Variants in NDUFA10 observed in about 807,000 individuals in gnomAD.
The protein encoded by NDUFA10 is NADH dehydrogenase [ubiquinone] 1 alpha subcomplex subunit 10, mitochondrial.
A neutral mutation model predicts 47.8 loss-of-function variants in NDUFA10; 40 were observed. The ratio of observed to expected loss-of-function variants is 0.84; its 90% CI spans 0.65 to 1.09. The LOEUF (loss-of-function observed/expected upper bound fraction) is 1.09, where lower values mean the gene tolerates loss of function less well. NDUFA10 is among the 50% of genes least tolerant of loss of function. The pLI, the probability that NDUFA10 is intolerant of heterozygous loss-of-function variation, is 0.00. For missense variants in NDUFA10, 413 were observed against 451.1 expected, an observed-to-expected ratio of 0.92 and a Z score of 0.76; for synonymous variants, 183 against 172.2, an observed-to-expected ratio of 1.06 and a Z score of -0.49.
At chr2:239,985,799 T>C (rs1040147993) in intron 9 of NDUFA10, among the ~76,000 whole-genome samples, 1 of 151,302 alleles carries the variant, frequency 6.6e-6, no homozygotes, top group African/African-American at 2.4e-5. Flanking sequence ...TAGTCCCAAC[T>C]ACTCGGGAGG....
chr2:239,975,876 G>A (rs1256161576), intron 9 of NDUFA10, among the ~76,000 whole-genome samples: 6 of 152,010 alleles, frequency 3.9e-5, no homozygotes, highest in Non-Finnish European at 5.9e-5. Flanking sequence ...CCAGACCGTC[G>A]GTTCTGTATC....
chr2:239,905,988 C>T (rs138812458), intron 4 of NDUFA10, among the ~76,000 whole-genome samples: 287 of 152,138 alleles, frequency 1.9e-3, no homozygotes, highest in African/African-American at 6.5e-3. Flanking sequence ...GTCCCATGCG[C>T]GGGAGGCCTG....
chr2:239,938,419 G>A (rs1352341145), intron 4 of NDUFA10, among the ~76,000 whole-genome samples: 1 of 152,236 alleles, frequency 6.6e-6, no homozygotes, highest in African/African-American at 2.4e-5. Flanking sequence ...CGGGGTTTAT[G>A]CTTTTGGTCT....
intron 9 of NDUFA10, among the ~76,000 whole-genome samples, chr2:239,984,332 C>A (rs7559499): frequency 1.6e-4 from 25 of 152,046 alleles, no homozygotes; most frequent in South Asian, 1.0e-3. Flanking sequence ...AAAATGGAAA[C>A]TGGATGTGAG....
chr2:239,910,972 C>G, intron 4 of NDUFA10, among the ~76,000 whole-genome samples: 1 of 152,218 alleles, frequency 6.6e-6, no homozygotes, highest in Non-Finnish European at 1.5e-5. Flanking sequence ...AGAGAGGAGG[C>G]TGCAGCCCAG....
chr2:239,931,699 A>G (rs1166837363), intron 4 of NDUFA10, among the ~76,000 whole-genome samples: 4 of 152,246 alleles, frequency 2.6e-5, no homozygotes, highest in African/African-American at 4.8e-5. Context: ...CCCACAGGCC[A>G]TAGCGGCCCC....
chr2:239,951,032 A>G (rs1437738975), intron 4 of NDUFA10, among the ~76,000 whole-genome samples: 1 of 152,238 alleles, frequency 6.6e-6, no homozygotes. Flanking sequence ...GAAGGAGTGC[A>G]GAAGGGCCCT....
At chr2:239,950,374 C>T (rs532844659) in intron 4 of NDUFA10, among the ~76,000 whole-genome samples, 15 of 152,306 alleles carry the variant, frequency 9.8e-5, no homozygotes, top group Admixed American at 6.5e-4. Context: ...TCAGGGCTCC[C>T]GACCCACCAC....
chr2:239,980,849 C>T (rs1199027850), intron 9 of NDUFA10, among the ~76,000 whole-genome samples: 1 of 152,216 alleles, frequency 6.6e-6, no homozygotes, highest in African/African-American at 2.4e-5. Context: ...TGTGAGGTGA[C>T]TCCTGAAGGG....
chr2:239,943,085 GGC>G lies in NDUFA10; in HGVS notation c.294+46987_294+46988del, dbSNP rs542969014. 239 of 154,560 alleles carry G rather than the reference GGC, an allele frequency of 1.5e-3. 1 individual carries two copies. The highest frequency in any genetic ancestry group is 5.4e-3 in the African/African-American group (226 of 41,652). The allele number at this position is 154,560 out of a possible 1,614,324, so 9.6% of individuals were successfully genotyped here. On this transcript the variant is annotated intron_variant, in intron 4 of 5. Transcript: ENST00000419408. ...AGTGGTGCATCCAGTCCTGGTCTCA[GGC>G]CATGCCCACAGGCCAACGCATCCCT...
chr2:240,003,259 C>T lies in NDUFA10; in HGVS notation c.890+1951G>A, dbSNP rs1574873651. Among the ~76,000 whole-genome samples the T allele has an allele frequency of 2.6e-5, 4 of 152,208 alleles. No homozygotes were observed. The East Asian group carries it at 7.7e-4, about 29-fold the overall frequency. On this transcript the variant is annotated intron_variant, in intron 8 of 9. Transcript: ENST00000252711. ...TCCTAGGAGACTACTGTATCACTCA[C>T]ATCCCATCAGGCAGAGAAAGAAGGT...
chr2:239,974,522 G>A (rs1009987373), intron 9 of NDUFA10, among the ~76,000 whole-genome samples: 5 of 152,228 alleles, frequency 3.3e-5, no homozygotes, highest in Non-Finnish European at 7.3e-5. Context: ...CAAATCTCAT[G>A]CTGAGATGTA....
chr2:239,998,167 T>C (rs1207509614), intron 8 of NDUFA10, among the ~76,000 whole-genome samples: 1 of 152,178 alleles, frequency 6.6e-6, no homozygotes, highest in Non-Finnish European at 1.5e-5. Flanking sequence ...GTTCCCGACT[T>C]TCTCTTCCAA....
chr2:239,926,511 G>A (rs1019476276), intron 4 of NDUFA10, among the ~76,000 whole-genome samples: 2 of 152,092 alleles, frequency 1.3e-5, no homozygotes, highest in African/African-American at 2.4e-5. Context: ...ATGCAATTAT[G>A]TACAGTACAT....
At chr2:239,966,336 A>T (rs1351715723) in intron 9 of NDUFA10, among the ~76,000 whole-genome samples, 1 of 152,232 alleles carries the variant, frequency 6.6e-6, no homozygotes, top group Non-Finnish European at 1.5e-5. Flanking sequence ...GAGGATGAGC[A>T]GGGTGGGCTT....
rs1166462236 is a variant in NDUFA10 at position 239,960,141 on chromosome 2, C to T, written c.*977G>A. ...GTGGAGCTTTACAGTGGAAAACCCACAGTTCAGTAGGACTCACAACTGGCA... is the reference window on the plus strand; with the variant it reads ...GTGGAGCTTTACAGTGGAAAACCCATAGTTCAGTAGGACTCACAACTGGCA... On this transcript the variant is annotated 3_prime_UTR_variant, in exon 10 of 10. Transcript: ENST00000252711. 3 of 984,790 alleles carry T rather than the reference C, an allele frequency of 3.0e-6. No individual in the cohort carries two copies. The highest frequency in any genetic ancestry group is 9.4e-5 in the South Asian group (2 of 21,286). 61.0% of individuals were successfully genotyped at this position (984,790 alleles called of 1,614,324 possible). A position where few individuals can be genotyped will look rare whatever the true frequency, so the allele number is the denominator to read the frequency against.
At chr2:239,911,544 T>C (rs1287107516) in intron 4 of NDUFA10, among the ~76,000 whole-genome samples, 2 of 152,166 alleles carry the variant, frequency 1.3e-5, no homozygotes, top group South Asian at 2.1e-4. Flanking sequence ...CACTGGTTAC[T>C]TCCTTCACAG....
At chr2:240,006,280 A>G (rs1483466189) in intron 7 of NDUFA10, among the ~76,000 whole-genome samples, 5 of 152,232 alleles carry the variant, frequency 3.3e-5, no homozygotes, top group Non-Finnish European at 1.5e-5. Context: ...AGAAAATGAA[A>G]TGTAATTTAA....
chr2:239,964,414 A>C (rs1694980271), intron 9 of NDUFA10, among the ~76,000 whole-genome samples: 1 of 152,182 alleles, frequency 6.6e-6, no homozygotes, highest in East Asian at 1.9e-4. Context: ...CCCCGCCTGC[A>C]CCGTGATTTT....
Sources: allele counts gnomAD v4.1 joint callset (sites outside exome capture counted in the v4.1 genomes callset), GRCh38; gene constraint gnomAD v4.1.1; transcripts MANE v1.5; gene names NCBI Gene and HGNC (gene_info 2026-07-23, HGNC 2026-07-21).